Variants in FARP2 observed in about 807,000 individuals in gnomAD.
FARP2 encodes the protein FERM, ARHGEF and pleckstrin domain-containing protein 2.
In FARP2, 111 loss-of-function variants were observed where a neutral mutation model predicts 130.5. That is an observed-to-expected ratio of 0.85 (90% CI 0.73 to 1.00). The LOEUF (loss-of-function observed/expected upper bound fraction) is 1.00. FARP2 is among the 50% of genes least tolerant of loss of function. The probability of loss-of-function intolerance (pLI) is 0.00; values close to 1 mark genes in which losing one functional copy is unlikely to be tolerated. For synonymous variants in FARP2, 504 were observed against 516.9 expected (o/e 0.98, Z 0.34); for missense variants, 1,385 against 1,346.3 (o/e 1.03, Z -0.45).
chr2:241,437,670 AT>A (rs763025047), intron 12 of FARP2, among the ~76,000 whole-genome samples: 18 of 133,084 alleles, frequency 1.4e-4, no homozygotes, highest in Non-Finnish European at 1.7e-4. Context: ...TTATTTATTT[AT>A]TTTTTTTTTT....
rs1194069320 is a variant in FARP2, at chr2:241,487,615, C to A, written c.2422-2347C>A. On this transcript the variant is annotated intron_variant, in intron 21 of 26. Transcript: ENST00000264042. Reference sequence around the variant, plus strand: ...CTGGGAGGCGGAGGTTGCACTGAGCCGAGATCACACCACTGCACTCCAGCC... The same window carrying A: ...CTGGGAGGCGGAGGTTGCACTGAGCAGAGATCACACCACTGCACTCCAGCC... 2.1e-5 allele frequency among the ~76,000 whole-genome samples: 3 copies of A among 145,936 alleles called. No individual in the cohort carries two copies. The Admixed American group carries it at 2.1e-4, about 10-fold the overall frequency.
At chr2:241,465,578 G>T in intron 17 of FARP2, 2 of 1,550,602 alleles carry the variant, frequency 1.3e-6, no homozygotes, top group African/African-American at 2.7e-5. Context: ...AACGGTACAG[G>T]TGTTCACATG....
At position 241,407,032 on chromosome 2, in the gene FARP2, T is replaced by C. The variant is rs1021330780; in HGVS notation, c.332-505T>C. ...ACTGTGTTGGCCAGGATGGTCTCGA[T>C]CTCCTGACCTTGTGATCCGCCCCCC... On this transcript the variant is annotated intron_variant, in intron 4 of 26. Coordinates refer to ENST00000264042, the MANE Select transcript of FARP2 (RefSeq NM_014808.4). 4.6e-5 allele frequency among the ~76,000 whole-genome samples: 7 copies of C among 151,982 alleles called. 1 individual carries two copies. The East Asian group carries it at 1.4e-3, about 30-fold the overall frequency.
chr2:241,471,218 C>T (rs2064297099), intron 18 of FARP2: 1 of 150,954 alleles, frequency 6.6e-6, no homozygotes, highest in Admixed American at 6.6e-5. Flanking sequence ...GGATACTGTT[C>T]TGAGGGGACC....
rs1430377986 is a variant in FARP2, at chr2:241,493,464, C to T, written c.3047+20C>T. On this transcript the variant is annotated intron_variant, in intron 26 of 26. Coordinates refer to ENST00000264042, the MANE Select transcript of FARP2 (RefSeq NM_014808.4). ...TGAAAGGTAATTTTGCAGGAGGCAGCCCTGGTCAGCTGCCCATTTCGATGT... is the reference window on the plus strand; with the variant it reads ...TGAAAGGTAATTTTGCAGGAGGCAGTCCTGGTCAGCTGCCCATTTCGATGT... 6.2e-7 allele frequency: 1 copy of T among 1,611,730 alleles called. No individual in the cohort carries two copies.
intron 11 of FARP2, among the ~76,000 whole-genome samples, chr2:241,436,113 A>G (rs2063223696): frequency 6.8e-6 from 1 of 147,282 alleles, no homozygotes; most frequent in African/African-American, 2.5e-5. Context: ...GGGGTTTCAT[A>G]ATGTTAGCCA....
intron 18 of FARP2, among the ~76,000 whole-genome samples, chr2:241,469,974 C>T (rs1199793402): frequency 6.6e-6 from 1 of 152,242 alleles, no homozygotes; most frequent in Non-Finnish European, 1.5e-5. Context: ...TTGCTTCAGA[C>T]CTCAGCCATC....
chr2:241,441,694 G>A (rs1166921483), intron 13 of FARP2, 138 bp downstream of exon 13: 3 of 1,279,414 alleles, frequency 2.3e-6, no homozygotes, highest in African/African-American at 1.5e-5. Flanking sequence ...TGGTGGGGAT[G>A]ACTTTACCAC....
intron 8 of FARP2, among the ~76,000 whole-genome samples, chr2:241,429,352 C>T (rs79953312): frequency 0.02 from 3,051 of 152,226 alleles, 55 homozygotes; most frequent in Non-Finnish European, 0.03. Flanking sequence ...TCCTCCTTTC[C>T]TTGGTTTTCA....
At chr2:241,446,643 G>A (rs2063520753) in intron 13 of FARP2, 2 of 152,138 alleles carry the variant, frequency 1.3e-5, no homozygotes, top group Admixed American at 1.3e-4. Flanking sequence ...CCCAGCTCGT[G>A]GAATATCAAA....
intron 13 of FARP2, 103 bp from the exon 14 acceptor site, chr2:241,456,644 G>A (rs2063845346): frequency 2.7e-6 from 3 of 1,116,624 alleles, no homozygotes; most frequent in South Asian, 2.7e-5. Context: ...CTGGCACTGT[G>A]TGAGGCTGGC....
chr2:241,402,857 T>TAC (rs2062214527), intron 2 of FARP2, among the ~76,000 whole-genome samples: 1 of 12,836 alleles, frequency 7.8e-5, no homozygotes, highest in Admixed American at 7.9e-4. Flanking sequence ...TATATATATA[T>TAC]ATATATATAT....
Position 241,494,024 on chromosome 2 carries a change from CA to C in FARP2, c.3065del (p.Gln1022ArgfsTer83), listed in dbSNP as rs1460579192. 5 of 1,395,702 alleles carry C rather than the reference CA, an allele frequency of 3.6e-6. No homozygotes were observed. Among genetic ancestry groups the C allele is most frequent in the Non-Finnish European group, 4.7e-6 (5 of 1,072,364 alleles). The allele number at this position is 1,395,702 out of a possible 1,614,324, so 86.5% of individuals were successfully genotyped here. On this transcript the variant is annotated frameshift_variant, in exon 27 of 27. Transcript: ENST00000264042. LOFTEE classifies it low-confidence loss of function (END_TRUNC). This position sits in a 1 kb window ranked among gnomAD's most constrained non-coding sequence, Gnocchi z 4.9. ...YTFERWMEVIQGASSSAGRAP... is the reference protein window; with the variant it reads ...YTFERWMEVIXGASSSAGRAP... ...CTCCTCCAGGTGGATGGAGGTGATC[CA>C]GGGGGCCAGCAGCTCAGCCGGGAGG... is the stretch of plus-strand genomic sequence containing the variant.
chr2:241,462,551 T>C lies in FARP2; in HGVS notation c.1616T>C (p.Ile539Thr), dbSNP rs916485067. ...GTGCCTGCAGACGAGGCCTACTTCA[T>C]AGTCAAAGAGATTCTCGCTACAGAA... Reference protein sequence around the residue: ...KRVPADEAYFIVKEILATERT... With the variant: ...KRVPADEAYFTVKEILATERT... Residue 539 changes from isoleucine to threonine, a missense_variant, in exon 15 of 27, where the codon ATA becomes ACA. Coordinates refer to ENST00000264042, the MANE Select transcript of FARP2 (RefSeq NM_014808.4). 3.1e-6 allele frequency: 5 copies of C among 1,614,030 alleles called. No individual in the cohort carries two copies. Among genetic ancestry groups the C allele is most frequent in the Non-Finnish European group, 4.2e-6 (5 of 1,179,866 alleles).
chr2:241,356,913 G>GTGTTAGGTGTTAATATTTTTAC (rs1159715589), intron 1 of FARP2, among the ~76,000 whole-genome samples: 2 of 152,256 alleles, frequency 1.3e-5, no homozygotes, highest in Non-Finnish European at 2.9e-5. Context: ...TGGGAATCAA[G>GTGTTAGGTGTTAATATTTTTAC]TGTTAGGTGT....
At chr2:241,493,698 G>A (rs934891538) in intron 26 of FARP2, 12 of 532,876 alleles carry the variant, frequency 2.3e-5, no homozygotes, top group Non-Finnish European at 3.3e-5. Context: ...GGGTTCAAGC[G>A]ATTCTTCTGC....
chr2:241,464,616 T>A (rs2150478671), intron 17 of FARP2, among the ~76,000 whole-genome samples: 1 of 151,474 alleles, frequency 6.6e-6, no homozygotes, highest in South Asian at 2.1e-4. Flanking sequence ...CTTCTCAGAA[T>A]AGCATCCCCC....
chr2:241,361,028 G>GAAA, intron 1 of FARP2, among the ~76,000 whole-genome samples: 1 of 124,588 alleles, frequency 8.0e-6, no homozygotes, highest in East Asian at 2.4e-4. Flanking sequence ...ATTCAAAAAA[G>GAAA]AAAAAAAAAA....
rs779309360 is a variant in FARP2 at position 241,413,300 on chromosome 2, A to G, written c.509-7A>G. ...AAAATTAGTTACTTACTTTTAACCT[A>G]TCTCAGCGGAAATAGGAGATTACGA... is the stretch of plus-strand genomic sequence containing the variant. On this transcript the variant is annotated splice_region_variant and splice_polypyrimidine_tract_variant and intron_variant, in intron 6 of 26. Transcript: ENST00000264042. 2.3e-5 allele frequency: 36 copies of G among 1,577,586 alleles called. No individual in the cohort carries two copies. In the Admixed American group the frequency reaches 2.8e-4, roughly 12 times the overall value.
Sources: gnomAD v4.1 joint callset for allele counts (sites outside exome capture counted in the v4.1 genomes callset) on GRCh38, gnomAD v4.1.1 for gene constraint, Gnocchi (gnomAD v3.1) non-coding constraint, MANE v1.5 for transcripts, NCBI Gene and HGNC (gene_info 2026-07-23, HGNC 2026-07-21) for gene names.